The following SHLD2 variants were observed in gnomAD, a reference collection of about 807,000 sequenced individuals.
SHLD2 encodes RINN1-REV7-interacting novel NHEJ regulator 2.
In SHLD2, 30 loss-of-function variants were observed where a neutral mutation model predicts 73.2. The observed-to-expected ratio is 0.41, with a 90% CI of 0.31 to 0.56. The LOEUF (loss-of-function observed/expected upper bound fraction) is 0.56. SHLD2 is among the 20% of genes least tolerant of loss of function. SHLD2 has a pLI of 0.28. For missense variants in SHLD2, 745 were observed against 1,055.9 expected, an observed-to-expected ratio of 0.71 and a Z score of 4.08; for synonymous variants, 285 against 370.1, an observed-to-expected ratio of 0.77 and a Z score of 2.64.
intron 1 of SHLD2, among the ~76,000 whole-genome samples, chr10:87,095,479 G>T (rs1462414801): frequency 6.6e-6 from 1 of 152,148 alleles, no homozygotes; most frequent in Non-Finnish European, 1.5e-5. Flanking sequence ...GGCGGCCTCA[G>T]GCCGGGGCCG....
intron 2 of SHLD2, among the ~76,000 whole-genome samples, chr10:87,145,749 A>T (rs1251321763): frequency 1.4e-5 from 2 of 147,716 alleles, no homozygotes; most frequent in African/African-American, 5.1e-5. Flanking sequence ...CACTCTAAAG[A>T]TAAAGGATTA....
chr10:87,178,957 A>G (rs1480847419), intron 7 of SHLD2, among the ~76,000 whole-genome samples: 2 of 152,128 alleles, frequency 1.3e-5, no homozygotes, highest in African/African-American at 2.4e-5. Context: ...ATAACCAGAA[A>G]ACAGTAGGAG....
chr10:87,102,247 A>C (rs1385362344), intron 2 of SHLD2, among the ~76,000 whole-genome samples: 1 of 152,190 alleles, frequency 6.6e-6, no homozygotes, highest in East Asian at 1.9e-4. Flanking sequence ...TCTTGGGACT[A>C]CTTTACCTAT....
intron 2 of SHLD2, among the ~76,000 whole-genome samples, chr10:87,117,896 CG>C (rs1264991872): frequency 1.3e-5 from 2 of 152,142 alleles, no homozygotes; most frequent in Non-Finnish European, 2.9e-5. Flanking sequence ...CCAGTTTTCT[CG>C]AGGGATATTC....
Position 87,095,233 on chromosome 10 carries a change from C to G in SHLD2, c.-77C>G, listed in dbSNP as rs1468735330. On this transcript the variant is annotated 5_prime_UTR_variant, in exon 1 of 10. Transcript: ENST00000298786. Reference sequence around the variant, plus strand: ...ATTTGCCCGGAGGCCGCACCCGCCTCCGGCGGGGCTCTCAGGTATGTGCGC... The same window carrying G: ...ATTTGCCCGGAGGCCGCACCCGCCTGCGGCGGGGCTCTCAGGTATGTGCGC... The G allele has an allele frequency of 6.8e-6, 1 of 147,130 alleles. No individual in the cohort carries two copies. The highest frequency in any genetic ancestry group is 2.5e-5 in the African/African-American group (1 of 39,586). The allele number at this position is 147,130 out of a possible 1,614,324, so 9.1% of individuals were successfully genotyped here. A position where few individuals can be genotyped will look rare whatever the true frequency, so the allele number is the denominator to read the frequency against.
chr10:87,123,371 G>A (rs1054709780), intron 2 of SHLD2, among the ~76,000 whole-genome samples: 3 of 151,430 alleles, frequency 2.0e-5, no homozygotes, highest in South Asian at 2.1e-4. Context: ...GCATGATCTC[G>A]GGTCACTGCA....
At position 87,158,125 on chromosome 10, in the gene SHLD2, G is replaced by C. The variant is rs757016279; in HGVS notation, c.1603G>C (p.Gly535Arg). 16 of 1,611,250 alleles carry C rather than the reference G, an allele frequency of 9.9e-6. No homozygotes were observed. Among genetic ancestry groups the C allele is most frequent in the Non-Finnish European group, 1.4e-5 (16 of 1,179,488 alleles). The change falls in exon 4 of 10, where the codon GGG becomes CGG. Residue 535 changes from glycine to arginine, a missense_variant. By Grantham distance (125) the Gly-to-Arg change is moderately radical. Around this residue, in one of 5 missense-constraint regions of SHLD2, gnomAD observed 418 missense variants for 567.8 expected, o/e 0.74. Transcript: ENST00000298786. ...ATTTAGCAGTCAGTTATTAAATCTT[G>C]GGAGTTATTCATCTATTCAGCCTGA... ...STFSSQLLNL[G>R]SYSSIQPEEY...
intron 8 of SHLD2, among the ~76,000 whole-genome samples, chr10:87,182,663 G>A (rs938833291): frequency 6.6e-6 from 1 of 152,130 alleles, no homozygotes; most frequent in African/African-American, 2.4e-5. Context: ...AAAAACCCCA[G>A]CAGGTCAAAC....
Position 87,113,039 on chromosome 10 carries a change from G to A in SHLD2, c.-6+16050G>A, listed in dbSNP as rs116171144. 3.0e-3 allele frequency among the ~76,000 whole-genome samples: 451 copies of A among 152,176 alleles called. 1 individual carries two copies. Among genetic ancestry groups the A allele is most frequent in the African/African-American group, 1.0e-2 (415 of 41,538 alleles). On this transcript the variant is annotated intron_variant, in intron 2 of 9. Transcript: ENST00000298786. ...GCTGATGAATGGATAAACAATATGT[G>A]GTCCAGCCGGGTGTGGTGGCTCACA...
In SHLD2 at chr10:87,129,392, C is replaced by T. The variant is rs1230221451; in HGVS notation, c.-5-21958C>T. 8.5e-5 allele frequency among the ~76,000 whole-genome samples: 13 copies of T among 152,240 alleles called. No homozygotes were observed. In the East Asian group the frequency reaches 2.5e-3, roughly 29 times the overall value. On this transcript the variant is annotated intron_variant, in intron 2 of 9. Transcript: ENST00000298786. ...GGGCGTTAGCCACCGTGCCTGGCTT[C>T]ACTCAGTGTTTTCAGTTAGGAAACT...
chr10:87,190,513 G>A lies in SHLD2; in HGVS notation c.2545G>A (p.Val849Ile). The part of the protein sequence containing the change: ...VPSSEITYGM[V>I]VADLFHSLLA... ...TTCCTCAGAGATCACCTATGGGATG[G>A]TCGTGGCAGACCTGTTCCACTCCTT... Residue 849 changes from valine (V) to isoleucine (I), a missense_variant, in exon 10 of 10, where the codon GTC becomes ATC. Coordinates refer to ENST00000298786, the MANE Select transcript of SHLD2 (RefSeq NM_001330112.2). 1 of 1,611,984 alleles carries A rather than the reference G, an allele frequency of 6.2e-7. No individual in the cohort carries two copies. The highest frequency in any genetic ancestry group is 1.3e-5 in the African/African-American group (1 of 74,970).
At chr10:87,127,373 C>T (rs957033381) in intron 2 of SHLD2, among the ~76,000 whole-genome samples, 23 of 151,846 alleles carry the variant, frequency 1.5e-4, no homozygotes, top group Admixed American at 9.2e-4. Context: ...ATTACGGCAA[C>T]TAAAAAGTAT....
chr10:87,094,733 G>C, upstream of SHLD2: 1 of 1,524,704 alleles, frequency 6.6e-7, no homozygotes, highest in Non-Finnish European at 8.8e-7. This position sits in a 1 kb window ranked among gnomAD's most constrained non-coding sequence, Gnocchi z 6.6. Flanking sequence ...GGCCCGGCCC[G>C]GGACAGCAAC....
chr10:87,127,014 C>T (rs1844056223), intron 2 of SHLD2, among the ~76,000 whole-genome samples: 1 of 152,130 alleles, frequency 6.6e-6, no homozygotes, highest in Non-Finnish European at 1.5e-5. Flanking sequence ...TTTTTACTAG[C>T]TGTGGGGAGC....
intron 3 of SHLD2, among the ~76,000 whole-genome samples, chr10:87,155,512 T>C (rs1238289522): frequency 1.3e-5 from 2 of 152,174 alleles, no homozygotes; most frequent in African/African-American, 4.8e-5. Flanking sequence ...AAAAAAATTT[T>C]TTTTTCTTTA....
chr10:87,111,471 T>C (rs1052705809), intron 2 of SHLD2, among the ~76,000 whole-genome samples: 1 of 151,656 alleles, frequency 6.6e-6, no homozygotes, highest in Non-Finnish European at 1.5e-5. Flanking sequence ...TGAAACCCCC[T>C]CTCTACTACA....
intron 2 of SHLD2, among the ~76,000 whole-genome samples, chr10:87,130,983 C>T (rs1417755177): frequency 2.6e-5 from 4 of 152,050 alleles, no homozygotes; most frequent in African/African-American, 4.8e-5. Context: ...GGGAGGATCG[C>T]GTGAGCCTGG....
chr10:87,134,538 C>A (rs1350923004), intron 2 of SHLD2, among the ~76,000 whole-genome samples: 1 of 152,124 alleles, frequency 6.6e-6, no homozygotes, highest in African/African-American at 2.4e-5. Flanking sequence ...CAGCTCCTAC[C>A]CACAGATGTT....
intron 7 of SHLD2, among the ~76,000 whole-genome samples, chr10:87,179,526 C>T (rs1315168809): frequency 2.6e-5 from 4 of 152,116 alleles, no homozygotes; most frequent in Admixed American, 6.5e-5. Context: ...CTCAGCCTCC[C>T]GAGTAGCTAG....
Sources: gnomAD v4.1 joint callset for allele counts (sites outside exome capture counted in the v4.1 genomes callset) on GRCh38, gnomAD v4.1.1 for gene constraint, gnomAD v4.1.1 regional missense constraint, Gnocchi (gnomAD v3.1) non-coding constraint, MANE v1.5 for transcripts, NCBI Gene and HGNC (gene_info 2026-07-23, HGNC 2026-07-21) for gene names.